KCTD16: variants seen among roughly 807,000 people sequenced by gnomAD.
KCTD16 encodes the protein potassium channel tetramerization domain containing 16, also known as BTB/POZ domain-containing protein KCTD16.
In KCTD16, 13 loss-of-function variants were observed where a neutral mutation model predicts 33.2. That is an observed-to-expected ratio of 0.39 (90% CI 0.25 to 0.62). KCTD16 has a LOEUF of 0.62. KCTD16 is among the 20% of genes least tolerant of loss of function. The pLI is 0.50. For synonymous variants in KCTD16, 197 were observed against 195.3 expected (o/e 1.01, Z -0.07); for missense variants, 441 against 525.1 (o/e 0.84, Z 1.57).
chr5:144,250,881 G>A (rs987141371), intron 3 of KCTD16, among the ~76,000 whole-genome samples: 1 of 151,894 alleles, frequency 6.6e-6, no homozygotes, highest in Non-Finnish European at 1.5e-5. Flanking sequence ...TTATGTAAGT[G>A]GATTAACACA....
At chr5:144,426,981 C>A (rs2126966377) in intron 3 of KCTD16, among the ~76,000 whole-genome samples, 1 of 152,214 alleles carries the variant, frequency 6.6e-6, no homozygotes, top group Admixed American at 6.5e-5. Context: ...GGCCATTTTT[C>A]TGTCCCCTAT....
chr5:144,466,822 T>C (rs1754342337), intron 3 of KCTD16, among the ~76,000 whole-genome samples: 1 of 151,210 alleles, frequency 6.6e-6, no homozygotes, highest in East Asian at 1.9e-4. Flanking sequence ...CATTCACTAA[T>C]AGGATTATTG....
At chr5:144,220,768 C>T (rs1044321523) in intron 3 of KCTD16, among the ~76,000 whole-genome samples, 1 of 151,936 alleles carries the variant, frequency 6.6e-6, no homozygotes. Context: ...GGTGAAACCC[C>T]GTCTCTACTA....
At position 144,344,937 on chromosome 5, in the gene KCTD16, A is replaced by C. The variant is rs1056414514; in HGVS notation, c.833-128723A>C. 1.3e-4 allele frequency among the ~76,000 whole-genome samples: 20 copies of C among 151,730 alleles called. 1 individual carries two copies. Among genetic ancestry groups the C allele is most frequent in the Admixed American group, 9.2e-4 (14 of 15,192 alleles). On this transcript the variant is annotated intron_variant, in intron 3 of 3. Transcript: ENST00000512467. ...TTATTGCGGCACTATTCACAATAGC[A>C]AAGACTTGGAACCAACCCAAATGTC...
rs538418671 is a variant in KCTD16, at chr5:144,349,857, A to AC, written c.833-123798dup. ...TGGAATCCTAAAACCCCAATCTTGG[A>AC]CCCCCAAATGATCTCCTACATGATT... On this transcript the variant is annotated intron_variant, in intron 3 of 3. Coordinates refer to ENST00000512467, the MANE Select transcript of KCTD16 (RefSeq NM_020768.4). Among the ~76,000 whole-genome samples the AC allele has an allele frequency of 9.9e-4, 150 of 152,230 alleles. 2 individuals carry two copies. The South Asian group carries it at 0.03, about 31-fold the overall frequency.
intron 3 of KCTD16, among the ~76,000 whole-genome samples, chr5:144,313,994 T>C (rs1410348274): frequency 1.3e-5 from 2 of 152,100 alleles, no homozygotes; most frequent in East Asian, 3.9e-4. Context: ...TTTAAAGAGG[T>C]CATTTAATTT....
At chr5:144,341,113 G>A (rs1752629770) in intron 3 of KCTD16, among the ~76,000 whole-genome samples, 1 of 152,080 alleles carries the variant, frequency 6.6e-6, no homozygotes, top group Non-Finnish European at 1.5e-5. Flanking sequence ...CTTTGATCTT[G>A]GACTTCCCAG....
chr5:144,219,022 C>T lies in KCTD16; in HGVS notation c.832+11476C>T, dbSNP rs138874338. Among the ~76,000 whole-genome samples, 12 of 152,240 alleles carry T rather than the reference C, an allele frequency of 7.9e-5. No individual in the cohort carries two copies. In the South Asian group the frequency reaches 1.0e-3, roughly 13 times the overall value. On this transcript the variant is annotated intron_variant, in intron 3 of 3. Coordinates refer to ENST00000512467, the MANE Select transcript of KCTD16 (RefSeq NM_020768.4). The stretch of plus-strand genomic sequence containing the variant: ...CTGGATAAAAGCCTTAGTTCGGTTA[C>T]TTCCTATCAGGGCATACTTGGGCAA...
At chr5:144,449,744 T>C (rs1431377439) in intron 3 of KCTD16, among the ~76,000 whole-genome samples, 4 of 152,020 alleles carry the variant, frequency 2.6e-5, no homozygotes. Flanking sequence ...GGGAAAAGTA[T>C]AGTCTTTTCA....
chr5:144,393,399 G>A (rs1580927467), intron 3 of KCTD16, among the ~76,000 whole-genome samples: 4 of 152,138 alleles, frequency 2.6e-5, no homozygotes, highest in African/African-American at 4.8e-5. Flanking sequence ...TAAAGTGGGG[G>A]TAAATCTGTG....
At chr5:144,290,298 AAAAAC>A in intron 3 of KCTD16, among the ~76,000 whole-genome samples, 1 of 152,330 alleles carries the variant, frequency 6.6e-6, no homozygotes, top group South Asian at 2.1e-4. Flanking sequence ...ACCCTATCTC[AAAAAC>A]AAAACAAAAA....
At chr5:144,299,898 T>TAAAAAAAAAAAAAAAAAAAAAAAAAAAA (rs66821172) in intron 3 of KCTD16, among the ~76,000 whole-genome samples, 1 of 128,898 alleles carries the variant, frequency 7.8e-6, no homozygotes, top group Non-Finnish European at 1.6e-5. Flanking sequence ...CAGAATCATT[T>TAAAAAAAAAAAAAAAAAAAAAAAAAAAA]AAAAAAAAAA....
intron 3 of KCTD16, among the ~76,000 whole-genome samples, chr5:144,298,839 A>C (rs965082280): frequency 6.7e-6 from 1 of 149,844 alleles, no homozygotes; most frequent in Non-Finnish European, 1.5e-5. Context: ...TCTCTCCCCA[A>C]CTCCAGCTTA....
chr5:144,260,719 G>A (rs564409029), intron 3 of KCTD16, among the ~76,000 whole-genome samples: 3 of 148,430 alleles, frequency 2.0e-5, no homozygotes, highest in Non-Finnish European at 3.0e-5. Flanking sequence ...GTAGCATGTC[G>A]AAAAAGATGG....
intron 3 of KCTD16, among the ~76,000 whole-genome samples, chr5:144,440,713 A>G (rs1753685098): frequency 6.6e-6 from 1 of 151,882 alleles, no homozygotes; most frequent in Non-Finnish European, 1.5e-5. Context: ...GCATTTCTCT[A>G]ATGATGAATA....
At chr5:144,207,637 C>A in intron 3 of KCTD16, 91 bp downstream of exon 3, 1 of 939,506 alleles carries the variant, frequency 1.1e-6, no homozygotes, top group Non-Finnish European at 1.6e-6. Flanking sequence ...ACCTAAGGAA[C>A]ATGGTTTGGA....
At chr5:144,465,244 G>A (rs1754301388) in intron 3 of KCTD16, among the ~76,000 whole-genome samples, 1 of 136,328 alleles carries the variant, frequency 7.3e-6, no homozygotes. Context: ...CTGGACATTA[G>A]GCATGTGATC....
At chr5:144,255,845 A>G (rs1006049208) in intron 3 of KCTD16, among the ~76,000 whole-genome samples, 4 of 152,228 alleles carry the variant, frequency 2.6e-5, no homozygotes, top group Admixed American at 2.6e-4. Context: ...TTTAGAGAAA[A>G]TAAAACCTTA....
At chr5:144,316,509 T>TTC (rs11393936) in intron 3 of KCTD16, among the ~76,000 whole-genome samples, 47 of 71,718 alleles carry the variant, frequency 6.6e-4, no homozygotes, top group Non-Finnish European at 1.3e-3. Flanking sequence ...GTTTTTTGTC[T>TTC]TTTTTTTTTT....
Sources: gnomAD v4.1 joint callset for allele counts (sites outside exome capture counted in the v4.1 genomes callset) on GRCh38, gnomAD v4.1.1 for gene constraint, MANE v1.5 for transcripts, NCBI Gene and HGNC (gene_info 2026-07-23, HGNC 2026-07-21) for gene names.